The following ACVR1 variants were observed in gnomAD, a reference collection of about 807,000 sequenced individuals.
ACVR1 encodes activin A receptor type 1.
Under a neutral mutation model 57.1 loss-of-function variants are expected in ACVR1, and 38 were observed. The ratio of observed to expected loss-of-function variants is 0.67; its 90% CI spans 0.51 to 0.87. The LOEUF (loss-of-function observed/expected upper bound fraction) is 0.87, where lower values mean the gene tolerates loss of function less well. Ranked by LOEUF, ACVR1 falls within the 40% of genes least tolerant of loss-of-function variation. The pLI is 0.00. For missense variants in ACVR1, 463 were observed against 638.2 expected (o/e 0.73, Z 2.96); for synonymous variants, 212 against 228.1 (o/e 0.93, Z 0.63).
intron 3 of ACVR1, among the ~76,000 whole-genome samples, chr2:157,796,440 G>C (rs1687127524): frequency 6.6e-6 from 1 of 152,042 alleles, no homozygotes; most frequent in Non-Finnish European, 1.5e-5. Context: ...TGTGGTCCCA[G>C]CTACTCAGGA....
At chr2:157,796,845 C>T (rs929358193) in intron 3 of ACVR1, among the ~76,000 whole-genome samples, 5 of 152,166 alleles carry the variant, frequency 3.3e-5, no homozygotes, top group Non-Finnish European at 7.4e-5. Flanking sequence ...CCCATTTCCT[C>T]GTATTAATTC....
chr2:157,754,669 C>G (rs1685348678), intron 9 of ACVR1, among the ~76,000 whole-genome samples: 1 of 152,032 alleles, frequency 6.6e-6, no homozygotes, highest in Admixed American at 6.5e-5. Flanking sequence ...CAGCCGAATT[C>G]TATCAGACAT....
At chr2:157,772,638 A>G (rs891319379) in intron 6 of ACVR1, among the ~76,000 whole-genome samples, 4 of 152,356 alleles carry the variant, frequency 2.6e-5, no homozygotes, top group African/African-American at 9.6e-5. Context: ...ATGGAATAGT[A>G]GTGGAGAGGG....
intron 1 of ACVR1, among the ~76,000 whole-genome samples, chr2:157,842,026 C>CAAAAAAAAAAAAAAAAA (rs34227882): frequency 1.0e-5 from 1 of 99,592 alleles, no homozygotes; most frequent in Non-Finnish European, 1.9e-5. Flanking sequence ...GACTCCATCT[C>CAAAAAAAAAAAAAAAAA]AAAAAAAAAA....
intron 1 of ACVR1, among the ~76,000 whole-genome samples, chr2:157,833,485 T>C (rs1559084222): frequency 1.3e-5 from 2 of 152,204 alleles, no homozygotes; most frequent in African/African-American, 4.8e-5. Flanking sequence ...TGAGTATCAC[T>C]GAGAGAGACA....
intron 1 of ACVR1, among the ~76,000 whole-genome samples, chr2:157,872,734 G>C (rs1237678356): frequency 6.6e-6 from 1 of 152,118 alleles, no homozygotes; most frequent in Admixed American, 6.5e-5. Context: ...TATTCCCTAA[G>C]TAATCATTAT....
At chr2:157,850,960 A>C (rs1250063858) in intron 1 of ACVR1, among the ~76,000 whole-genome samples, 2 of 152,172 alleles carry the variant, frequency 1.3e-5, no homozygotes, top group African/African-American at 4.8e-5. Flanking sequence ...GTGTCTCCAA[A>C]AAAAACAAAG....
intron 3 of ACVR1, among the ~76,000 whole-genome samples, chr2:157,795,627 A>C (rs1687082612): frequency 6.6e-6 from 1 of 152,132 alleles, no homozygotes; most frequent in Non-Finnish European, 1.5e-5. Context: ...CAAAACCTTA[A>C]GGGTCGATCT....
In ACVR1 at chr2:157,737,623, G is replaced by A; in HGVS notation, c.1438C>T (p.Gln480Ter). ...GCTGTGAGTCTTGCGGATGGATTTTGATACCAGCATTCTTTCATTAGCTTG... is the reference window on the plus strand; with the variant it reads ...GCTGTGAGTCTTGCGGATGGATTTTAATACCAGCATTCTTTCATTAGCTTG... ...LAKLMKECWY[Q>*]NPSARLTALR... The change falls in exon 11 of 11, where the codon CAA (glutamine) becomes TAA (stop). Residue 480 changes from glutamine (Q) to a stop codon, truncating the protein, a stop_gained. Coordinates refer to ENST00000434821, the MANE Select transcript of ACVR1 (RefSeq NM_001111067.4). LOFTEE classifies it high-confidence loss of function. The A allele has an allele frequency of 1.9e-6, 3 of 1,614,150 alleles. No homozygotes were observed. The highest frequency in any genetic ancestry group is 2.5e-6 in the Non-Finnish European group (3 of 1,179,984).
rs1685620895 is a variant in ACVR1 at position 157,760,927 on chromosome 2, G to T, written c.1217C>A (p.Ala406Asp). The change falls in exon 9 of 11, where the codon GCC (alanine) becomes GAC (aspartate). Residue 406 changes from alanine (A) to aspartate (D), a missense_variant. This residue lies in a region of ACVR1 where 146 missense variants were observed against 186.6 expected (regional missense o/e 0.78). Transcript: ENST00000434821. ...CACTTCCCACAAAACAAGTCCAAAG[G>T]CCCAAATATCGACCCTTTTATAAGA... ...FDSYKRVDIW[A>D]FGLVLWEVAR... The T allele has an allele frequency of 1.2e-6, 2 of 1,613,900 alleles. No homozygotes were observed. Among genetic ancestry groups the T allele is most frequent in the Admixed American group, 1.7e-5 (1 of 59,976 alleles).
chr2:157,757,579 G>A (rs1685484637), intron 9 of ACVR1, among the ~76,000 whole-genome samples: 1 of 151,818 alleles, frequency 6.6e-6, no homozygotes, highest in South Asian at 2.1e-4. Context: ...CGGGCCAAGA[G>A]AGAATGGGAT....
intron 1 of ACVR1, among the ~76,000 whole-genome samples, chr2:157,858,358 G>A (rs1689605645): frequency 6.6e-6 from 1 of 151,906 alleles, no homozygotes; most frequent in African/African-American, 2.4e-5. Context: ...TTTCTCTCAG[G>A]AAATTCTGAT....
intron 1 of ACVR1, among the ~76,000 whole-genome samples, chr2:157,861,706 G>A (rs532584769): frequency 6.6e-6 from 1 of 152,322 alleles, no homozygotes; most frequent in Admixed American, 6.5e-5. Context: ...TGTGAAAAGA[G>A]TATTCCAGCA....
At chr2:157,855,323 TAC>T (rs138199528) in intron 1 of ACVR1, among the ~76,000 whole-genome samples, 10,324 of 108,422 alleles carry the variant, frequency 0.095, 824 homozygotes, top group African/African-American at 0.17. Flanking sequence ...TATATATATA[TAC>T]ACACACACAC....
chr2:157,839,637 C>T (rs1196759648), intron 1 of ACVR1, among the ~76,000 whole-genome samples: 3 of 152,180 alleles, frequency 2.0e-5, no homozygotes, highest in African/African-American at 7.2e-5. Flanking sequence ...TGTCACACCA[C>T]ACAACTACCA....
chr2:157,783,104 A>G (rs1341470761), intron 3 of ACVR1, among the ~76,000 whole-genome samples: 2 of 152,224 alleles, frequency 1.3e-5, no homozygotes, highest in Non-Finnish European at 2.9e-5. Flanking sequence ...TTGGTCCTAA[A>G]TGGTCCTAAA....
Position 157,849,949 on chromosome 2 carries a change from T to C in ACVR1, c.-183+25847A>G, listed in dbSNP as rs1291013892. 3.9e-5 allele frequency among the ~76,000 whole-genome samples: 6 copies of C among 152,150 alleles called. No individual in the cohort carries two copies. The South Asian group carries it at 8.3e-4, about 21-fold the overall frequency. ...TGACTGTGGCTAGTAGCTACCTTAC[T>C]GGACAATGCAAGCATAGAGAATCTT... On this transcript the variant is annotated intron_variant, in intron 1 of 10. Coordinates refer to ENST00000434821, the MANE Select transcript of ACVR1 (RefSeq NM_001111067.4).
intron 1 of ACVR1, among the ~76,000 whole-genome samples, chr2:157,863,466 G>C (rs10183552): frequency 0.68 from 100,330 of 146,706 alleles, 38,601 homozygotes; most frequent in Non-Finnish European, 0.86. Flanking sequence ...GGAGGCCGAG[G>C]CCAGCGGATC....
At chr2:157,740,588 A>C (rs1435540963) in intron 9 of ACVR1, among the ~76,000 whole-genome samples, 1 of 152,252 alleles carries the variant, frequency 6.6e-6, no homozygotes, top group Admixed American at 6.5e-5. Flanking sequence ...AAAATCTAGC[A>C]TAACAGCCAT....
Sources: gnomAD v4.1 joint callset for allele counts (sites outside exome capture counted in the v4.1 genomes callset) on GRCh38, gnomAD v4.1.1 for gene constraint, gnomAD v4.1.1 regional missense constraint, MANE v1.5 for transcripts, NCBI Gene and HGNC (gene_info 2026-07-23, HGNC 2026-07-21) for gene names.